Variants in FOXP2 observed in about 807,000 individuals in gnomAD.
FOXP2 encodes the protein forkhead box protein P2.
FOXP2 carries 12 observed loss-of-function variants against 115.8 expected under a neutral mutation model. The observed-to-expected ratio is 0.10, with a 90% confidence interval of 0.07 to 0.17. The LOEUF is 0.17. Ranked by LOEUF, FOXP2 falls within the 10% of genes least tolerant of loss-of-function variation. The probability of loss-of-function intolerance (pLI) is 1.00; values close to 1 mark genes in which losing one functional copy is unlikely to be tolerated. For missense variants in FOXP2, 629 were observed against 843.5 expected, an observed-to-expected ratio of 0.75 and a Z score of 3.15; for synonymous variants, 328 against 297.7, an observed-to-expected ratio of 1.10 and a Z score of -1.05.
At chr7:114,255,981 T>A (rs1409812011) in intron 1 of FOXP2, among the ~76,000 whole-genome samples, 1 of 152,230 alleles carries the variant, frequency 6.6e-6, no homozygotes, top group African/African-American at 2.4e-5. Context: ...TCTTCCACAA[T>A]GGTTGAACTA....
chr7:114,676,814 T>C (rs984491082), intron 16 of FOXP2, among the ~76,000 whole-genome samples: 1 of 152,212 alleles, frequency 6.6e-6, no homozygotes, highest in African/African-American at 2.4e-5. Context: ...AATTTTAATC[T>C]AGTCTAAAAT....
At position 114,690,934 on chromosome 7, in the gene FOXP2, C is replaced by T. The variant is rs1808635237; in HGVS notation, c.*1008C>T. 2.2e-6 allele frequency: 1 copy of T among 454,454 alleles called. No homozygotes were observed. Among genetic ancestry groups the T allele is most frequent in the Admixed American group, 2.3e-5 (1 of 42,560 alleles). 28.2% of individuals were successfully genotyped at this position (454,454 alleles called of 1,614,324 possible). A position where few individuals can be genotyped will look rare whatever the true frequency, so the allele number is the denominator to read the frequency against. Reference sequence around the variant, plus strand: ...GAAACAAATATGACAAAAACCACAACTAAAAAATGTTAATTCAGTCACAGA... The same window carrying T: ...GAAACAAATATGACAAAAACCACAATTAAAAAATGTTAATTCAGTCACAGA... On this transcript the variant is annotated 3_prime_UTR_variant, in exon 17 of 17. Transcript: ENST00000350908.
chr7:114,539,894 AG>A (rs1799572691), intron 3 of FOXP2, among the ~76,000 whole-genome samples: 1 of 152,028 alleles, frequency 6.6e-6, no homozygotes. Flanking sequence ...TGCCATTAAT[AG>A]GGCTTTGGAT....
At chr7:114,094,044 A>G (rs747944786) in intron 1 of FOXP2, among the ~76,000 whole-genome samples, 5 of 152,192 alleles carry the variant, frequency 3.3e-5, no homozygotes, top group Non-Finnish European at 5.9e-5. Flanking sequence ...TTTATGGGGA[A>G]AGATGGAGGG....
chr7:114,538,626 T>C (rs1170684823), intron 3 of FOXP2, among the ~76,000 whole-genome samples: 2 of 151,738 alleles, frequency 1.3e-5, no homozygotes. Context: ...AGGAAGTTAC[T>C]TGACATCTTT....
intron 2 of FOXP2, chr7:114,463,015 TATTTTTTAA>T (rs1795645967): frequency 2.4e-6 from 1 of 418,328 alleles, no homozygotes; most frequent in African/African-American, 2.1e-5. Context: ...TGCATTGTTG[TATTTTTTAA>T]ATTTCATTTA....
intron 1 of FOXP2, among the ~76,000 whole-genome samples, chr7:114,251,055 T>C (rs1419155419): frequency 3.3e-5 from 5 of 152,202 alleles, no homozygotes; most frequent in Non-Finnish European, 7.3e-5. Flanking sequence ...AAATAGGGAA[T>C]CGTTTCCCCA....
chr7:114,362,202 CA>C (rs1394409850), intron 2 of FOXP2, among the ~76,000 whole-genome samples: 11 of 151,876 alleles, frequency 7.2e-5, no homozygotes, highest in African/African-American at 2.7e-4. Context: ...TCAAGGACAG[CA>C]AACGTAAGAC....
chr7:114,257,859 C>G (rs549418300), intron 1 of FOXP2, among the ~76,000 whole-genome samples: 1 of 152,250 alleles, frequency 6.6e-6, no homozygotes, highest in Non-Finnish European at 1.5e-5. Context: ...TGCAGATTCC[C>G]TTACATGGGA....
chr7:114,370,629 A>G (rs1791982064), intron 2 of FOXP2, among the ~76,000 whole-genome samples: 1 of 152,228 alleles, frequency 6.6e-6, no homozygotes, highest in Admixed American at 6.5e-5. Context: ...ATGGTAACAC[A>G]GGAAGCTCAA....
intron 9 of FOXP2, among the ~76,000 whole-genome samples, chr7:114,653,069 A>T (rs1806365855): frequency 6.6e-6 from 1 of 152,140 alleles, no homozygotes; most frequent in Non-Finnish European, 1.5e-5. Context: ...TCATTTAAAG[A>T]TACGATTTTT....
chr7:114,659,950 C>T (rs534649588), intron 13 of FOXP2, among the ~76,000 whole-genome samples: 2 of 152,250 alleles, frequency 1.3e-5, no homozygotes, highest in East Asian at 3.9e-4. Context: ...ATCATCAACA[C>T]CTTTGTTAGT....
chr7:114,102,591 A>G (rs1584480066), intron 1 of FOXP2, among the ~76,000 whole-genome samples: 1 of 151,038 alleles, frequency 6.6e-6, no homozygotes, highest in East Asian at 1.9e-4. Flanking sequence ...CCATTTAAAC[A>G]TGTAAAAAAA....
At chr7:114,493,871 T>G (rs1048678433) in intron 2 of FOXP2, among the ~76,000 whole-genome samples, 1 of 151,828 alleles carries the variant, frequency 6.6e-6, no homozygotes. Flanking sequence ...AAATGGAGAT[T>G]GTAAAAGTAG....
intron 2 of FOXP2, among the ~76,000 whole-genome samples, chr7:114,387,599 A>G (rs1382790981): frequency 1.3e-5 from 2 of 152,184 alleles, no homozygotes; most frequent in Non-Finnish European, 2.9e-5. Context: ...ATTTTGGCTA[A>G]GATGTGAATA....
chr7:114,455,966 A>G (rs1469799769), intron 2 of FOXP2, among the ~76,000 whole-genome samples: 1 of 152,086 alleles, frequency 6.6e-6, no homozygotes, highest in African/African-American at 2.4e-5. Context: ...TGTTCTGCCC[A>G]TGTTCTGCTT....
intron 2 of FOXP2, among the ~76,000 whole-genome samples, chr7:114,335,930 T>C (rs1193683591): frequency 6.6e-6 from 1 of 151,762 alleles, no homozygotes; most frequent in Non-Finnish European, 1.5e-5. Flanking sequence ...AAGTACTATG[T>C]AGATGTGGAT....
chr7:114,530,167 C>T (rs900569305), intron 2 of FOXP2, among the ~76,000 whole-genome samples: 2 of 151,728 alleles, frequency 1.3e-5, no homozygotes, highest in Non-Finnish European at 1.5e-5. Context: ...TCCACATAAT[C>T]GTTTCTTGTA....
intron 1 of FOXP2, among the ~76,000 whole-genome samples, chr7:114,424,801 T>C (rs79303701): frequency 6.6e-6 from 1 of 151,620 alleles, no homozygotes; most frequent in Non-Finnish European, 1.5e-5. Flanking sequence ...TTTCTGCTCA[T>C]GTTTTCTGTT....
Sources: allele counts gnomAD v4.1 joint callset (sites outside exome capture counted in the v4.1 genomes callset), GRCh38; gene constraint gnomAD v4.1.1; transcripts MANE v1.5; gene names NCBI Gene and HGNC (gene_info 2026-07-23, HGNC 2026-07-21).